Variants in OPRL1 observed in about 807,000 individuals in gnomAD.
OPRL1 encodes opioid related nociceptin receptor 1, also known as nociceptin receptor.
OPRL1 carries 5 observed loss-of-function variants against 15.5 expected under a neutral mutation model. The ratio of observed to expected loss-of-function variants is 0.32; its 90% confidence interval spans 0.17 to 0.68. The LOEUF (loss-of-function observed/expected upper bound fraction) is 0.68. Ranked by LOEUF, OPRL1 falls within the 30% of genes least tolerant of loss-of-function variation. The pLI, the probability that OPRL1 is intolerant of heterozygous loss-of-function variation, is 0.72. For synonymous variants in OPRL1, 223 were observed against 230.2 expected (o/e 0.97, Z 0.28); for missense variants, 406 against 515.3 (o/e 0.79, Z 2.05).
In OPRL1 at chr20:64,097,761, G is replaced by C. The variant is rs770273795; in HGVS notation, c.234-41G>C. ...TGCCCTTTGCTGCCTGGTCCAGCCA[G>C]CATGGCCAAGTGAAGCCTTTCTTCT... is the stretch of plus-strand genomic sequence containing the variant. On this transcript the variant is annotated intron_variant, in intron 3 of 4. Transcript: ENST00000336866. This position sits in a 1 kb window ranked among gnomAD's most constrained non-coding sequence, Gnocchi z 4.2. 29 of 1,569,794 alleles carry C rather than the reference G, an allele frequency of 1.8e-5. No individual in the cohort carries two copies. The highest frequency in any genetic ancestry group is 2.4e-5 in the Non-Finnish European group (27 of 1,147,042).
chr20:64,086,383 C>T (rs1036817117), intron 1 of OPRL1: 1 of 165,916 alleles, frequency 6.0e-6, no homozygotes, highest in African/African-American at 2.4e-5. Context: ...ACATTCCTCA[C>T]CCCTACTGTT....
chr20:64,100,434 G>A lies in OPRL1; in HGVS notation c.*1635G>A, dbSNP rs1223842181. On this transcript the variant is annotated 3_prime_UTR_variant, in exon 5 of 5. Transcript: ENST00000336866. ...GCTGTCTCCATGACGTCTGTGGCAG[G>A]AGTCCCTGAGGACGGGAGCTGCCTA... The A allele has an allele frequency of 1.3e-5, 2 of 152,234 alleles. No individual in the cohort carries two copies. Among genetic ancestry groups the A allele is most frequent in the African/African-American group, 4.8e-5 (2 of 41,434 alleles). 9.4% of individuals were successfully genotyped at this position (152,234 alleles called of 1,614,324 possible).
chr20:64,081,841 G>C lies in OPRL1; in HGVS notation c.-185+1489G>C, dbSNP rs11905252. On this transcript the variant is annotated intron_variant, in intron 1 of 4. Transcript: ENST00000336866. ...CCGGCCTGACCCTGGTGCAGTCACT[G>C]AGGTCACTGTCTTGCTGGCCTTCTC... Among the ~76,000 whole-genome samples, 597 of 152,290 alleles carry C rather than the reference G, an allele frequency of 3.9e-3. 3 individuals carry two copies. Among genetic ancestry groups the C allele is most frequent in the African/African-American group, 0.013 (538 of 41,560 alleles).
At position 64,090,088 on chromosome 20, in the gene OPRL1, C is replaced by T. The variant is rs975176906; in HGVS notation, c.-184-1878C>T. ...GCCTGTTCCCAAAGGTGTCCATGCA[C>T]ACTCTAGGTCTACCCATGTGCCTGC... On this transcript the variant is annotated intron_variant, in intron 1 of 4. Coordinates refer to ENST00000336866, the MANE Select transcript of OPRL1 (RefSeq NM_182647.4). The surrounding 1 kb of genome is among the most constrained non-coding windows in gnomAD (Gnocchi z 4.9). Among the ~76,000 whole-genome samples the T allele has an allele frequency of 6.6e-6, 1 of 152,188 alleles. No individual in the cohort carries two copies. Among genetic ancestry groups the T allele is most frequent in the African/African-American group, 2.4e-5 (1 of 41,448 alleles).
intron 3 of OPRL1, among the ~76,000 whole-genome samples, chr20:64,095,352 G>A (rs1192056974): frequency 6.0e-5 from 7 of 117,010 alleles, no homozygotes; most frequent in Admixed American, 1.7e-4. Context: ...AGTCGGGGGG[G>A]AGCCGGGGGA....
intron 1 of OPRL1, chr20:64,085,065 C>G (rs2060029607): frequency 6.6e-6 from 1 of 152,182 alleles, no homozygotes; most frequent in Admixed American, 6.5e-5. Context: ...CTCCGGAGGG[C>G]CCTGGGTTAG....
intron 1 of OPRL1, among the ~76,000 whole-genome samples, chr20:64,084,701 C>T (rs1358731863): frequency 6.6e-6 from 1 of 152,150 alleles, no homozygotes; most frequent in Non-Finnish European, 1.5e-5. Flanking sequence ...GGGAGCAGAG[C>T]CTAGAGGGCA....
At chr20:64,088,265 C>G (rs1307836647) in intron 1 of OPRL1, among the ~76,000 whole-genome samples, 2 of 152,212 alleles carry the variant, frequency 1.3e-5, no homozygotes, top group African/African-American at 2.4e-5. Flanking sequence ...GGGCCAGAAT[C>G]TGCACATGGG....
intron 1 of OPRL1, among the ~76,000 whole-genome samples, chr20:64,080,984 CAGGCAGT>C (rs1191678709): frequency 6.6e-6 from 1 of 152,106 alleles, no homozygotes; most frequent in African/African-American, 2.4e-5. Flanking sequence ...CCCTGTGGGC[CAGGCAGT>C]AGGACCAGAA....
chr20:64,083,415 T>A lies in OPRL1; in HGVS notation c.-185+3063T>A, dbSNP rs1767563516. On this transcript the variant is annotated intron_variant, in intron 1 of 4. Transcript: ENST00000336866. This position sits in a 1 kb window ranked among gnomAD's most constrained non-coding sequence, Gnocchi z 4.9. ...ACTTTATGTGGGAGGCTGGGGCGCG[T>A]CGCACACTCTCAGTCGCCGTCACCG... The A allele has an allele frequency of 6.2e-7, 1 of 1,611,858 alleles. No individual in the cohort carries two copies. The highest frequency in any genetic ancestry group is 1.7e-5 in the Admixed American group (1 of 59,946).
intron 3 of OPRL1, among the ~76,000 whole-genome samples, chr20:64,096,687 C>T (rs117235569): frequency 0.041 from 6,265 of 152,074 alleles, 200 homozygotes; most frequent in South Asian, 0.13. Context: ...CCAATATCGC[C>T]GCCACCATCA....
chr20:64,098,046 G>A lies in OPRL1; in HGVS notation c.478G>A (p.Asp160Asn), dbSNP rs752880644. The change falls in exon 4 of 5, where the codon GAC (aspartate) becomes AAC (asparagine). Residue 160 changes from aspartate (D) to asparagine (N), a missense_variant. Asp to Asn is a conservative substitution (Grantham distance 23). Coordinates refer to ENST00000336866, the MANE Select transcript of OPRL1 (RefSeq NM_182647.4). ...CATCTGCCACCCCATCCGTGCCCTC[G>A]ACGTCCGCACGTCCAGCAAAGCCCA... is the stretch of plus-strand genomic sequence containing the variant. Reference protein sequence around the residue: ...VAICHPIRALDVRTSSKAQAV... With the variant: ...VAICHPIRALNVRTSSKAQAV... The A allele has an allele frequency of 1.9e-6, 3 of 1,613,390 alleles. No individual in the cohort carries two copies. The highest frequency in any genetic ancestry group is 1.1e-5 in the South Asian group (1 of 91,074).
Position 64,097,800 on chromosome 20 carries a change from A to G in OPRL1, c.234-2A>G. On this transcript the variant is annotated splice_acceptor_variant, in intron 3 of 4. Transcript: ENST00000336866. LOFTEE classifies it high-confidence loss of function. The surrounding 1 kb of genome is among the most constrained non-coding windows in gnomAD (Gnocchi z 4.2). ...AGCCTTTCTTCTCCCTCTACTCCGC[A>G]GGCACACCAAAATGAAGACAGCCAC... 1 of 1,610,424 alleles carries G rather than the reference A, an allele frequency of 6.2e-7. No individual in the cohort carries two copies. The highest frequency in any genetic ancestry group is 8.5e-7 in the Non-Finnish European group (1 of 1,177,492).
At chr20:64,082,149 A>C (rs2059974239) in intron 1 of OPRL1, among the ~76,000 whole-genome samples, 1 of 152,124 alleles carries the variant, frequency 6.6e-6, no homozygotes, top group African/African-American at 2.4e-5. Context: ...CTGTCATCAC[A>C]TGTCACAAGC....
rs555074600 is a variant in OPRL1 at position 64,084,065 on chromosome 20, G to A, written c.-185+3713G>A. ...GTGGCGCTGCGCAGGGAGCATGGCC[G>A]CCAGTCCCTGCGGCGTCAGGGCCCA... On this transcript the variant is annotated intron_variant, in intron 1 of 4. Transcript: ENST00000336866. 4.2e-4 allele frequency: 632 copies of A among 1,497,276 alleles called. No homozygotes were observed. Among genetic ancestry groups the A allele is most frequent in the Middle Eastern group, 1.8e-3 (8 of 4,418 alleles). The allele number at this position is 1,497,276 out of a possible 1,614,324, so 92.7% of individuals were successfully genotyped here.
At position 64,090,259 on chromosome 20, in the gene OPRL1, A is replaced by G. The variant is rs149756020; in HGVS notation, c.-184-1707A>G. ...GGCATCTGTGTGTGTGTTTGCAGGA[A>G]TGTGTGTCCCCATGTGTCCCTTGAG... On this transcript the variant is annotated intron_variant, in intron 1 of 4. Transcript: ENST00000336866. The surrounding 1 kb of genome is among the most constrained non-coding windows in gnomAD (Gnocchi z 4.9). 1.1e-3 allele frequency among the ~76,000 whole-genome samples: 166 copies of G among 152,212 alleles called. 4 individuals carry two copies. In the East Asian group the frequency reaches 0.026, roughly 24 times the overall value.
At chr20:64,085,963 C>A (rs2060044803) in intron 1 of OPRL1, among the ~76,000 whole-genome samples, 1 of 152,184 alleles carries the variant, frequency 6.6e-6, no homozygotes, top group African/African-American at 2.4e-5. Context: ...CCAGGAAGGC[C>A]CTTCCTGGTG....
At chr20:64,084,106 C>A in intron 1 of OPRL1, 1 of 1,474,990 alleles carries the variant, frequency 6.8e-7, no homozygotes, top group South Asian at 1.3e-5. Flanking sequence ...GCTTGGGGGG[C>A]TCTGTCGCGG....
Position 64,083,522 on chromosome 20 carries a change from C to T in OPRL1, c.-185+3170C>T, listed in dbSNP as rs1477894543. 1.3e-5 allele frequency: 20 copies of T among 1,570,642 alleles called. No individual in the cohort carries two copies. Among genetic ancestry groups the T allele is most frequent in the Non-Finnish European group, 1.6e-5 (19 of 1,159,032 alleles). ...GCCGGGGAGAGAGGCTGGGGTCCGGCGTGTGCGGAGGCGGGCAGGGCCCCT... is the reference window on the plus strand; with the variant it reads ...GCCGGGGAGAGAGGCTGGGGTCCGGTGTGTGCGGAGGCGGGCAGGGCCCCT... On this transcript the variant is annotated intron_variant, in intron 1 of 4. Coordinates refer to ENST00000336866, the MANE Select transcript of OPRL1 (RefSeq NM_182647.4). This position sits in a 1 kb window ranked among gnomAD's most constrained non-coding sequence, Gnocchi z 4.9.
Sources: allele counts gnomAD v4.1 joint callset (sites outside exome capture counted in the v4.1 genomes callset), GRCh38; gene constraint gnomAD v4.1.1; non-coding constraint Gnocchi (gnomAD v3.1); transcripts MANE v1.5; gene names NCBI Gene and HGNC (gene_info 2026-07-23, HGNC 2026-07-21).